IL1RAPL2: variants seen among roughly 807,000 people sequenced by gnomAD.
IL1RAPL2 encodes the protein X-linked interleukin-1 receptor accessory protein-like 2.
Under a neutral mutation model 44.1 loss-of-function variants are expected in IL1RAPL2, and 3 were observed. The observed-to-expected ratio is 0.07, with a 90% CI of 0.03 to 0.18. The LOEUF (loss-of-function observed/expected upper bound fraction) is 0.18, where lower values mean the gene tolerates loss of function less well. Among genes scored for constraint, IL1RAPL2 ranks in the 10% least tolerant of loss-of-function variants. The probability of loss-of-function intolerance (pLI) is 1.00; values close to 1 mark genes in which losing one functional copy is unlikely to be tolerated. For missense variants in IL1RAPL2, 391 were observed against 496.4 expected, an observed-to-expected ratio of 0.79 and a Z score of 2.02; for synonymous variants, 181 against 178.8, an observed-to-expected ratio of 1.01 and a Z score of -0.10.
chrX:105,247,603 A>ATGTGTG (rs10588244), intron 4 of IL1RAPL2, among the ~76,000 whole-genome samples: 18 of 95,052 alleles, frequency 1.9e-4, no homozygotes, highest in South Asian at 1.5e-3. Flanking sequence ...ATATATATAT[A>ATGTGTG]TGTGTGTGTG....
At position 104,676,745 on chromosome X, in the gene IL1RAPL2, C is replaced by T. The variant is rs1247507121; in HGVS notation, c.82+17750C>T. On this transcript the variant is annotated intron_variant, in intron 2 of 10. Coordinates refer to ENST00000372582, the MANE Select transcript of IL1RAPL2 (RefSeq NM_017416.2). ...GTCACTTTCAGATACACCAATCAGA[C>T]GTAGATTTGGTCTTTTCACATAGTC... is the stretch of plus-strand genomic sequence containing the variant. Among the ~76,000 whole-genome samples the T allele has an allele frequency of 3.6e-5, 4 of 111,710 alleles. No individual in the cohort carries two copies. The South Asian group carries it at 1.1e-3, about 32-fold the overall frequency.
chrX:105,317,406 A>C (rs1275340808), intron 5 of IL1RAPL2, among the ~76,000 whole-genome samples: 2 of 112,038 alleles, frequency 1.8e-5, no homozygotes, highest in Admixed American at 9.5e-5. Context: ...AGCCCTCAGA[A>C]GCTTCTTGTA....
chrX:104,882,936 A>G (rs972440952), intron 2 of IL1RAPL2, among the ~76,000 whole-genome samples: 12 of 111,460 alleles, frequency 1.1e-4, no homozygotes, highest in Non-Finnish European at 1.9e-4. Context: ...TGTAACACAC[A>G]CTGCGAAGGT....
intron 2 of IL1RAPL2, among the ~76,000 whole-genome samples, chrX:104,964,279 GATTT>G (rs199756067): frequency 0.044 from 4,413 of 100,858 alleles, 218 homozygotes; most frequent in African/African-American, 0.13. Flanking sequence ...TTGTGCCAGG[GATTT>G]ATTTATTTAT....
intron 6 of IL1RAPL2, among the ~76,000 whole-genome samples, chrX:105,666,638 AG>A (rs756013715): frequency 8.9e-6 from 1 of 112,146 alleles, no homozygotes; most frequent in South Asian, 3.7e-4. Flanking sequence ...AACAATCCAT[AG>A]AAACAGGACT....
rs1922200598 is a variant in IL1RAPL2 at position 104,850,657 on chromosome X, C to A, written c.82+191662C>A. ...GTCTAGGTTGGTTGTTGCCATGGAG[C>A]TGTTGTAATTTGTAGTATCATTAAT... On this transcript the variant is annotated intron_variant, in intron 2 of 10. Transcript: ENST00000372582. Among the ~76,000 whole-genome samples, 3 of 111,508 alleles carry A rather than the reference C, an allele frequency of 2.7e-5. No homozygotes were observed. In the South Asian group the frequency reaches 1.1e-3, roughly 42 times the overall value.
intron 5 of IL1RAPL2, among the ~76,000 whole-genome samples, chrX:105,383,207 A>G (rs1418476027): frequency 1.8e-5 from 2 of 110,329 alleles, no homozygotes; most frequent in South Asian, 3.9e-4. Context: ...TCTTATTCCT[A>G]CTATCTAACT....
At chrX:105,369,702 G>A (rs1169352143) in intron 5 of IL1RAPL2, among the ~76,000 whole-genome samples, 1 of 111,406 alleles carries the variant, frequency 9.0e-6, no homozygotes, top group East Asian at 2.8e-4. Flanking sequence ...ACTCAGGACT[G>A]CACAGACCCA....
At chrX:105,388,363 T>C (rs1216972371) in intron 5 of IL1RAPL2, among the ~76,000 whole-genome samples, 1 of 92,249 alleles carries the variant, frequency 1.1e-5, no homozygotes, top group Non-Finnish European at 2.1e-5. Context: ...CAGATTTTTT[T>C]TTTTTTTTTT....
rs986074648 is a variant in IL1RAPL2 at position 104,876,371 on chromosome X, A to C, written c.82+217376A>C. Among the ~76,000 whole-genome samples the C allele has an allele frequency of 1.3e-4, 14 of 111,829 alleles. No homozygotes were observed. The East Asian group carries it at 3.9e-3, about 31-fold the overall frequency. ...TTACCATATGTTCATGACCATGATA[A>C]TTTTGCCCCATACATTTGTTTTTAT... On this transcript the variant is annotated intron_variant, in intron 2 of 10. Transcript: ENST00000372582.
At chrX:105,364,810 A>G (rs1017024761) in intron 5 of IL1RAPL2, among the ~76,000 whole-genome samples, 3 of 111,782 alleles carry the variant, frequency 2.7e-5, no homozygotes, top group African/African-American at 9.7e-5. Context: ...TGGAATCTTT[A>G]GGGTTTTTCT....
chrX:104,782,041 C>T (rs1210947640), intron 2 of IL1RAPL2, among the ~76,000 whole-genome samples: 2 of 111,537 alleles, frequency 1.8e-5, no homozygotes, highest in African/African-American at 6.5e-5. Flanking sequence ...GGAGAGCAAG[C>T]CCTCACCAGA....
chrX:105,095,525 A>T (rs1363931689), intron 2 of IL1RAPL2, among the ~76,000 whole-genome samples: 1 of 111,998 alleles, frequency 8.9e-6, no homozygotes, highest in Non-Finnish European at 1.9e-5. Context: ...AATAGAATTG[A>T]GAGTGCAGAA....
At chrX:104,768,528 C>G (rs1348831669) in intron 2 of IL1RAPL2, among the ~76,000 whole-genome samples, 1 of 111,543 alleles carries the variant, frequency 9.0e-6, no homozygotes, top group Non-Finnish European at 1.9e-5. Context: ...CCCTGGACAT[C>G]TGATACTTAT....
intron 2 of IL1RAPL2, among the ~76,000 whole-genome samples, chrX:104,775,967 G>T (rs757355666): frequency 9.1e-6 from 1 of 109,635 alleles, no homozygotes; most frequent in South Asian, 4.0e-4. Context: ...TATGAGGGAG[G>T]ATTGGGATCC....
rs749235048 is a variant in IL1RAPL2 at position 104,943,296 on chromosome X, T to G, written c.83-252179T>G. Among the ~76,000 whole-genome samples the G allele has an allele frequency of 8.1e-5, 9 of 111,458 alleles. No individual in the cohort carries two copies. In the East Asian group the frequency reaches 2.6e-3, roughly 32 times the overall value. ...ATGTTTATGTTGATGACTCCATAAT[T>G]TGTGTCTCTAGACCAGACTTCTCTC... is the stretch of plus-strand genomic sequence containing the variant. On this transcript the variant is annotated intron_variant, in intron 2 of 10. Coordinates refer to ENST00000372582, the MANE Select transcript of IL1RAPL2 (RefSeq NM_017416.2).
intron 2 of IL1RAPL2, among the ~76,000 whole-genome samples, chrX:105,050,348 A>AT (rs368287261): frequency 8.9e-6 from 1 of 111,822 alleles, no homozygotes; most frequent in Non-Finnish European, 1.9e-5. Flanking sequence ...ATGATGCTAC[A>AT]TTTTTTTATG....
At chrX:104,745,313 A>G (rs1414581746) in intron 2 of IL1RAPL2, among the ~76,000 whole-genome samples, 3 of 112,107 alleles carry the variant, frequency 2.7e-5, no homozygotes, top group South Asian at 3.6e-4. Flanking sequence ...CACCAGTACT[A>G]TAGTTGTACT....
At chrX:105,755,435 G>A in intron 10 of IL1RAPL2, 88 bp downstream of exon 10, 3 of 686,746 alleles carry the variant, frequency 4.4e-6, no homozygotes, top group Middle Eastern at 6.9e-4. Context: ...CAAGTATTTA[G>A]ACAGTTGTTT....
Sources: allele counts gnomAD v4.1 joint callset (sites outside exome capture counted in the v4.1 genomes callset), GRCh38; gene constraint gnomAD v4.1.1; transcripts MANE v1.5; gene names NCBI Gene and HGNC (gene_info 2026-07-23, HGNC 2026-07-21).